CFAP61: variants seen among roughly 807,000 people sequenced by gnomAD.
CFAP61 encodes the protein cilia- and flagella-associated protein 61.
CFAP61 carries 107 observed loss-of-function variants against 135.6 expected under a neutral mutation model. The ratio of observed to expected loss-of-function variants is 0.79; its 90% CI spans 0.67 to 0.93. The LOEUF (loss-of-function observed/expected upper bound fraction) is 0.93, where lower values mean the gene tolerates loss of function less well. CFAP61 is among the 40% of genes least tolerant of loss of function. The probability of loss-of-function intolerance (pLI) is 0.00; values close to 1 mark genes in which losing one functional copy is unlikely to be tolerated. For missense variants in CFAP61, 1,507 were observed against 1,556.2 expected (o/e 0.97, Z 0.53); for synonymous variants, 575 against 578.5 (o/e 0.99, Z 0.09).
chr20:20,275,994 C>T (rs926884764), intron 21 of CFAP61, among the ~76,000 whole-genome samples: 1 of 152,198 alleles, frequency 6.6e-6, no homozygotes, highest in African/African-American at 2.4e-5. Context: ...TGGAGAGACC[C>T]CACTCCCTCA....
intron 8 of CFAP61, among the ~76,000 whole-genome samples, chr20:20,137,396 T>C (rs1205894341): frequency 1.3e-5 from 2 of 151,812 alleles, no homozygotes; most frequent in African/African-American, 2.4e-5. Context: ...GAGCCAGGAG[T>C]AGGAAACCTT....
At chr20:20,330,359 C>T (rs989774587) in intron 25 of CFAP61, among the ~76,000 whole-genome samples, 4 of 151,956 alleles carry the variant, frequency 2.6e-5, no homozygotes, top group Non-Finnish European at 2.9e-5. Context: ...TGTTTTGTGA[C>T]AGGGTCTCAC....
chr20:20,296,074 CTCCTTTTCTTCCTTCTTTCCTTCCT>C (rs2055460246), intron 24 of CFAP61, among the ~76,000 whole-genome samples: 1 of 24,728 alleles, frequency 4.0e-5, no homozygotes, highest in Non-Finnish European at 8.0e-5. Flanking sequence ...CCTTCCTTCC[CTCCTTTTCTTCCTTCTTTCCTTCCT>C]TCCTTCCCTC....
At position 20,070,950 on chromosome 20, in the gene CFAP61, G is replaced by A. The variant is rs1416899834; in HGVS notation, c.240G>A (p.Lys80=). 5.6e-6 allele frequency: 9 copies of A among 1,614,058 alleles called. No individual in the cohort carries two copies. The highest frequency in any genetic ancestry group is 1.1e-5 in the South Asian group (1 of 91,086). The change falls in exon 3 of 27, where the codon AAG becomes AAA. Residue 80 remains lysine, a synonymous_variant. Coordinates refer to ENST00000245957, the MANE Select transcript of CFAP61 (RefSeq NM_015585.4). ...FLDYPNWNVA[K]QDDWVSVFRE... is the part of the protein sequence containing the mutation. The stretch of plus-strand genomic sequence containing the variant: ...ACTACCCCAACTGGAATGTTGCCAA[G>A]CAGGATGACTGGGTGTCAGTGTTCC...
At chr20:20,079,072 G>A (rs754803092) in intron 6 of CFAP61, among the ~76,000 whole-genome samples, 2 of 152,186 alleles carry the variant, frequency 1.3e-5, no homozygotes, top group Admixed American at 6.5e-5. Context: ...GGATGCTTCC[G>A]TATCTATTAA....
intron 9 of CFAP61, among the ~76,000 whole-genome samples, chr20:20,151,829 C>CAAAACA (rs549851112): frequency 1.9e-5 from 1 of 53,350 alleles, no homozygotes; most frequent in African/African-American, 8.2e-5. Flanking sequence ...GACTCCGTCT[C>CAAAACA]AAAAAAAAAA....
intron 2 of CFAP61, among the ~76,000 whole-genome samples, chr20:20,057,104 G>A (rs181152428): frequency 8.1e-5 from 12 of 147,892 alleles, no homozygotes; most frequent in African/African-American, 2.5e-4. Context: ...ATGACAGAGC[G>A]GACCCCTGTC....
At chr20:20,148,773 G>A (rs1044134580) in intron 9 of CFAP61, among the ~76,000 whole-genome samples, 3 of 152,060 alleles carry the variant, frequency 2.0e-5, no homozygotes, top group African/African-American at 7.2e-5. Flanking sequence ...TTCCAATTTG[G>A]ATGCCCTTTA....
At chr20:20,145,223 A>C (rs2051775492) in intron 9 of CFAP61, among the ~76,000 whole-genome samples, 2 of 152,156 alleles carry the variant, frequency 1.3e-5, no homozygotes, top group Non-Finnish European at 2.9e-5. Context: ...GTAAAAATAA[A>C]ATGTATGACA....
intron 17 of CFAP61, among the ~76,000 whole-genome samples, chr20:20,210,656 C>G (rs2047569198): frequency 6.6e-6 from 1 of 152,230 alleles, no homozygotes; most frequent in African/African-American, 2.4e-5. Flanking sequence ...CCCTCTGGGG[C>G]TGGCCGACTC....
rs1353934298 is a variant in CFAP61 at position 20,142,924 on chromosome 20, T to C, written c.927T>C (p.Ser309=). The part of the protein sequence containing the change: ...KIVEELQEPV[S]PDTMENIQGN... Reference sequence around the variant, plus strand: ...TCGAGGAGTTGCAGGAACCTGTCTCTCCAGATACCATGGAAAACATCCAGG... The same window carrying C: ...TCGAGGAGTTGCAGGAACCTGTCTCCCCAGATACCATGGAAAACATCCAGG... The change falls in exon 9 of 27, where the codon TCT becomes TCC. Residue 309 remains serine (S), a synonymous_variant. Transcript: ENST00000245957. 2.5e-6 allele frequency: 4 copies of C among 1,596,258 alleles called. No homozygotes were observed. The highest frequency in any genetic ancestry group is 4.5e-5 in the East Asian group (2 of 44,438).
intron 24 of CFAP61, among the ~76,000 whole-genome samples, chr20:20,297,420 A>G (rs887583884): frequency 3.9e-5 from 6 of 152,160 alleles, no homozygotes; most frequent in African/African-American, 1.4e-4. Flanking sequence ...CACCCCCCAC[A>G]AAACTCATGT....
intron 2 of CFAP61, among the ~76,000 whole-genome samples, chr20:20,060,894 C>A (rs1040298405): frequency 6.6e-6 from 1 of 152,216 alleles, no homozygotes; most frequent in Non-Finnish European, 1.5e-5. Context: ...TAGCAACTGC[C>A]ACCAGCTGCC....
At position 20,277,258 on chromosome 20, in the gene CFAP61, G is replaced by A. The variant is rs41310163; in HGVS notation, c.2596G>A (p.Val866Met). The A allele has an allele frequency of 1.9e-5, 30 of 1,613,740 alleles. No homozygotes were observed. The Admixed American group carries it at 4.3e-4, about 23-fold the overall frequency. ...CGTGAGCGGCAGCCGCATCCACCTCGTGCAGCCCCCGCCCGCCTCCACCAT... is the reference window on the plus strand; with the variant it reads ...CGTGAGCGGCAGCCGCATCCACCTCATGCAGCCCCCGCCCGCCTCCACCAT... Reference protein sequence around the residue: ...LGVSGSRIHLVQPPPASTITC... With the variant: ...LGVSGSRIHLMQPPPASTITC... The change falls in exon 22 of 27, where the codon GTG becomes ATG. Residue 866 changes from valine (V) to methionine (M), a missense_variant. Transcript: ENST00000245957.
At chr20:20,158,975 C>T (rs931354649) in intron 9 of CFAP61, among the ~76,000 whole-genome samples, 3 of 152,182 alleles carry the variant, frequency 2.0e-5, no homozygotes, top group African/African-American at 7.2e-5. Flanking sequence ...AATGCAATTA[C>T]TTTTGATATA....
At chr20:20,067,760 A>ATT (rs2045401138) in intron 2 of CFAP61, among the ~76,000 whole-genome samples, 3 of 106,402 alleles carry the variant, frequency 2.8e-5, no homozygotes, top group Non-Finnish European at 6.6e-5. Flanking sequence ...TATTTATATT[A>ATT]TTATATATGT....
At chr20:20,296,316 C>CCCTCCTTCCCTTCCTTCCTTCCTTGCT (rs2055545432) in intron 24 of CFAP61, among the ~76,000 whole-genome samples, 1 of 36,118 alleles carries the variant, frequency 2.8e-5, no homozygotes. Flanking sequence ...CCTTCCTTCC[C>CCCTCCTTCCCTTCCTTCCTTCCTTGCT]TCCTTCCTTC....
intron 22 of CFAP61, among the ~76,000 whole-genome samples, chr20:20,285,929 A>C (rs1258598762): frequency 6.7e-6 from 1 of 149,426 alleles, no homozygotes; most frequent in African/African-American, 2.6e-5. Context: ...TCAAAAAAAA[A>C]AAAAAACAAA....
At chr20:20,358,314 A>G (rs966166208) in intron 26 of CFAP61, among the ~76,000 whole-genome samples, 7 of 152,092 alleles carry the variant, frequency 4.6e-5, no homozygotes, top group Non-Finnish European at 8.8e-5. Context: ...TCACAGTATG[A>G]GAGGTCATCC....
Sources: gnomAD v4.1 joint callset for allele counts (sites outside exome capture counted in the v4.1 genomes callset) on GRCh38, gnomAD v4.1.1 for gene constraint, MANE v1.5 for transcripts, NCBI Gene and HGNC (gene_info 2026-07-23, HGNC 2026-07-21) for gene names.